Variants in HIGD1C observed in about 807,000 individuals in gnomAD.
HIGD1C encodes HIG1 domain family member 1C.
HIGD1C carries 11 observed loss-of-function variants against 13.1 expected under a neutral mutation model. The observed-to-expected ratio is 0.84, with a 90% CI of 0.53 to 1.39. The LOEUF is 1.39. HIGD1C is among the 40% of genes most tolerant of loss of function. The probability of loss-of-function intolerance (pLI) is 0.00; values close to 1 mark genes in which losing one functional copy is unlikely to be tolerated. For missense variants in HIGD1C, 110 were observed against 112.0 expected (o/e 0.98, Z 0.08); for synonymous variants, 36 against 37.7 (o/e 0.95, Z 0.17).
upstream of HIGD1C, among the ~76,000 whole-genome samples, chr12:50,953,105 C>G (rs1007375534): frequency 6.6e-6 from 1 of 152,210 alleles, no homozygotes; most frequent in Admixed American, 6.5e-5. Flanking sequence ...ACCACTCCCC[C>G]AGTCCCCTGG....
At chr12:50,934,363 G>GT in the HIGD1C span, among the ~76,000 whole-genome samples, 2 of 152,218 alleles carry the variant, frequency 1.3e-5, no homozygotes, top group Non-Finnish European at 2.9e-5. Flanking sequence ...CAAGTTATCT[G>GT]TTTTTTCATC....
upstream of HIGD1C, among the ~76,000 whole-genome samples, chr12:50,952,253 T>C (rs545068053): frequency 2.6e-5 from 4 of 152,240 alleles, no homozygotes; most frequent in Admixed American, 1.3e-4. Context: ...ATAAGTCTGC[T>C]ACTGTCAGGT....
upstream of HIGD1C, among the ~76,000 whole-genome samples, chr12:50,952,059 ATTTTTT>A (rs141699945): frequency 2.8e-3 from 379 of 136,734 alleles, no homozygotes; most frequent in African/African-American, 8.0e-3. Context: ...TAGACCAGAA[ATTTTTT>A]TTTTTTTTTT....
upstream of HIGD1C, among the ~76,000 whole-genome samples, chr12:50,953,562 T>C (rs1214773865): frequency 5.3e-5 from 8 of 152,350 alleles, no homozygotes; most frequent in South Asian, 1.0e-3. Flanking sequence ...ATTCTCCCAA[T>C]ACCTGTAAAT....
At chr12:50,947,120 T>TGGAAGACAGCAGTGG in the HIGD1C span, among the ~76,000 whole-genome samples, 1 of 152,184 alleles carries the variant, frequency 6.6e-6, no homozygotes, top group African/African-American at 2.4e-5. Flanking sequence ...CAGACTTATT[T>TGGAAGACAGCAGTGG]TTGTGGGAGT....
chr12:50,965,786 G>C (rs185130414), intron 2 of HIGD1C, among the ~76,000 whole-genome samples: 195 of 152,272 alleles, frequency 1.3e-3, no homozygotes, highest in African/African-American at 4.6e-3. Context: ...ATGAGCACAG[G>C]TCCCCTTTGG....
upstream of HIGD1C, among the ~76,000 whole-genome samples, chr12:50,952,678 C>A (rs1459000598): frequency 1.3e-5 from 2 of 152,352 alleles, no homozygotes; most frequent in African/African-American, 2.4e-5. Flanking sequence ...CAGCTCGAGG[C>A]TTTGCAGGAG....
At position 50,967,692 on chromosome 12, in the gene HIGD1C, C is replaced by A. The variant is rs536987224; in HGVS notation, c.230-2750C>A. Among the ~76,000 whole-genome samples the A allele has an allele frequency of 3.5e-4, 53 of 152,272 alleles. No individual in the cohort carries two copies. In the South Asian group the frequency reaches 0.011, roughly 31 times the overall value. On this transcript the variant is annotated intron_variant, in intron 2 of 2. Transcript: ENST00000398455. Reference sequence around the variant, plus strand: ...TTTAAATCTAAACGGATCAGAGAACCAATTCCGGATAACCCAGAACCATTT... The same window carrying A: ...TTTAAATCTAAACGGATCAGAGAACAAATTCCGGATAACCCAGAACCATTT...
chr12:50,939,817 C>G, the HIGD1C span: 2 of 152,138 alleles, frequency 1.3e-5, no homozygotes, highest in African/African-American at 2.4e-5. Flanking sequence ...AGGCCTGCTT[C>G]CTTAAGCATT....
chr12:50,941,801 A>G, the HIGD1C span, among the ~76,000 whole-genome samples: 2 of 152,148 alleles, frequency 1.3e-5, no homozygotes, highest in African/African-American at 4.8e-5. Context: ...CTGGCTATCA[A>G]CCAGGACTGA....
intron 2 of HIGD1C, among the ~76,000 whole-genome samples, chr12:50,967,216 A>G (rs2139825628): frequency 6.6e-6 from 1 of 152,238 alleles, no homozygotes; most frequent in South Asian, 2.1e-4. Flanking sequence ...CCTGGGCTCA[A>G]GATATCCTCC....
At chr12:50,948,257 T>C in the HIGD1C span, among the ~76,000 whole-genome samples, 2 of 152,168 alleles carry the variant, frequency 1.3e-5, no homozygotes, top group Admixed American at 6.5e-5. Flanking sequence ...ACCTAACAAA[T>C]AAGTTATTGA....
the HIGD1C span, among the ~76,000 whole-genome samples, chr12:50,945,293 C>A: frequency 2.0e-5 from 3 of 152,134 alleles, no homozygotes; most frequent in Non-Finnish European, 4.4e-5. Flanking sequence ...GAAGTCAAAT[C>A]GTCCCTGTTT....
At chr12:50,968,376 A>C (rs970156175) in intron 2 of HIGD1C, among the ~76,000 whole-genome samples, 2 of 151,660 alleles carry the variant, frequency 1.3e-5, no homozygotes, top group African/African-American at 4.8e-5. Flanking sequence ...CTCCAGTTAC[A>C]CTGATTCTTT....
the HIGD1C span, among the ~76,000 whole-genome samples, chr12:50,936,019 C>T: frequency 5.3e-3 from 802 of 152,036 alleles, 9 homozygotes; most frequent in African/African-American, 0.018. Context: ...GTTAGCCGGG[C>T]GTGGTGGAGG....
chr12:50,937,786 A>G, the HIGD1C span, among the ~76,000 whole-genome samples: 2 of 152,136 alleles, frequency 1.3e-5, no homozygotes, highest in Admixed American at 1.3e-4. Flanking sequence ...TGCAGCCCTC[A>G]GCAGAGAGGA....
At chr12:50,935,749 A>G in the HIGD1C span, among the ~76,000 whole-genome samples, 2 of 152,114 alleles carry the variant, frequency 1.3e-5, no homozygotes, top group African/African-American at 4.8e-5. Flanking sequence ...TCAGCCTTCC[A>G]AAGTTCTGGG....
the HIGD1C span, among the ~76,000 whole-genome samples, chr12:50,942,780 A>G: frequency 6.6e-6 from 1 of 151,880 alleles, no homozygotes. Flanking sequence ...GGGTGGATCA[A>G]TTGAGCCCAG....
chr12:50,950,670 ATTT>A (rs57553489), upstream of HIGD1C, among the ~76,000 whole-genome samples: 2,038 of 87,606 alleles, frequency 0.023, 47 homozygotes, highest in African/African-American at 0.073. Context: ...TGCCCAGCTA[ATTT>A]TTTTTTTTTT....
Sources: allele counts gnomAD v4.1 joint callset (sites outside exome capture counted in the v4.1 genomes callset), GRCh38; gene constraint gnomAD v4.1.1; transcripts MANE v1.5; gene names NCBI Gene and HGNC (gene_info 2026-07-23, HGNC 2026-07-21).